SUSD4: variants seen among roughly 807,000 people sequenced by gnomAD.
SUSD4 encodes sushi domain-containing protein 4.
SUSD4 carries 41 observed loss-of-function variants against 50.5 expected under a neutral mutation model. The ratio of observed to expected loss-of-function variants is 0.81; its 90% CI spans 0.63 to 1.05. The LOEUF is 1.05. Among genes scored for constraint, SUSD4 ranks in the 50% least tolerant of loss-of-function variants. The pLI, the probability that SUSD4 is intolerant of heterozygous loss-of-function variation, is 0.00. For synonymous variants in SUSD4, 257 were observed against 257.3 expected, an observed-to-expected ratio of 1.00 and a Z score of 0.01; for missense variants, 580 against 634.7, an observed-to-expected ratio of 0.91 and a Z score of 0.93.
At chr1:223,233,815 A>T (rs1371419649) in intron 5 of SUSD4, among the ~76,000 whole-genome samples, 1 of 152,174 alleles carries the variant, frequency 6.6e-6, no homozygotes, top group Non-Finnish European at 1.5e-5. Flanking sequence ...ATGAACAAAG[A>T]TCCTTCTGCA....
At chr1:223,250,171 A>G (rs1661204964) in intron 5 of SUSD4, among the ~76,000 whole-genome samples, 2 of 152,198 alleles carry the variant, frequency 1.3e-5, no homozygotes, top group Admixed American at 1.3e-4. Context: ...TTTGGTTTCC[A>G]TCATCTGTCA....
At chr1:223,258,874 C>T (rs1661892086) in intron 5 of SUSD4, among the ~76,000 whole-genome samples, 1 of 152,144 alleles carries the variant, frequency 6.6e-6, no homozygotes, top group Non-Finnish European at 1.5e-5. Flanking sequence ...TCAGAGCCAA[C>T]CCCACACAGC....
Position 223,260,116 on chromosome 1 carries a change from T to C in SUSD4, c.724+4514A>G, listed in dbSNP as rs78103395. ...ATATCATCTCCTGAAACTGTCCTTC[T>C]ACCCTTTCTAAATGCAGAAGCCCCC... On this transcript the variant is annotated intron_variant, in intron 5 of 8. Coordinates refer to ENST00000366878, the MANE Select transcript of SUSD4 (RefSeq NM_017982.4). Among the ~76,000 whole-genome samples the C allele has an allele frequency of 2.2e-3, 341 of 152,326 alleles. 3 individuals are homozygous for C. The highest frequency in any genetic ancestry group is 7.8e-3 in the African/African-American group (325 of 41,580).
chr1:223,252,789 T>C (rs1383926258), intron 5 of SUSD4, among the ~76,000 whole-genome samples: 1 of 151,844 alleles, frequency 6.6e-6, no homozygotes, highest in Non-Finnish European at 1.5e-5. Flanking sequence ...TTCCTAGGAA[T>C]GGAGAAGACG....
rs956201787 is a variant in SUSD4, at chr1:223,305,180, C to T, written c.149-12529G>A. Among the ~76,000 whole-genome samples, 21 of 152,068 alleles carry T rather than the reference C, an allele frequency of 1.4e-4. No homozygotes were observed. The South Asian group carries it at 1.7e-3, about 12-fold the overall frequency. On this transcript the variant is annotated intron_variant, in intron 2 of 8. Transcript: ENST00000366878. The stretch of plus-strand genomic sequence containing the variant: ...AGGCTTGCAGGGGAAATCTAAGGGC[C>T]GGCAGCCTTTCATGCACAGACAGCT...
In SUSD4 at chr1:223,240,077, T is replaced by G. The variant is rs528734515; in HGVS notation, c.725-10689A>C. Among the ~76,000 whole-genome samples, 5 of 152,214 alleles carry G rather than the reference T, an allele frequency of 3.3e-5. No individual in the cohort carries two copies. The South Asian group carries it at 1.0e-3, about 32-fold the overall frequency. ...CAGAATTCTAGGTTGGTTGGGTTTTTTTCTCTCAACACTTTAAATGTTTCA... is the reference window on the plus strand; with the variant it reads ...CAGAATTCTAGGTTGGTTGGGTTTTGTTCTCTCAACACTTTAAATGTTTCA... On this transcript the variant is annotated intron_variant, in intron 5 of 8. Coordinates refer to ENST00000366878, the MANE Select transcript of SUSD4 (RefSeq NM_017982.4).
At chr1:223,250,563 T>G (rs2103040805) in intron 5 of SUSD4, among the ~76,000 whole-genome samples, 1 of 152,288 alleles carries the variant, frequency 6.6e-6, no homozygotes, top group African/African-American at 2.4e-5. Flanking sequence ...AGCTGCCATA[T>G]CTTACTGAGT....
At chr1:223,339,341 T>C (rs994833463) in intron 2 of SUSD4, among the ~76,000 whole-genome samples, 1 of 152,104 alleles carries the variant, frequency 6.6e-6, no homozygotes, top group Admixed American at 6.5e-5. Flanking sequence ...CTATTATCTC[T>C]AGGAGCTCAG....
At chr1:223,309,177 A>C (rs1247366625) in intron 2 of SUSD4, among the ~76,000 whole-genome samples, 1 of 152,214 alleles carries the variant, frequency 6.6e-6, no homozygotes, top group African/African-American at 2.4e-5. Flanking sequence ...CAGGGATTCA[A>C]AGTAAAATTA....
chr1:223,271,138 C>T (rs1006052272), intron 3 of SUSD4, among the ~76,000 whole-genome samples: 2 of 152,192 alleles, frequency 1.3e-5, no homozygotes, highest in East Asian at 3.8e-4. Flanking sequence ...GTAATTTACA[C>T]ATTGAAACAA....
chr1:223,290,592 A>C (rs1276836033), intron 3 of SUSD4, among the ~76,000 whole-genome samples: 2 of 152,218 alleles, frequency 1.3e-5, no homozygotes, highest in Admixed American at 6.5e-5. Context: ...CTAATAAAAA[A>C]GCTGACTTCC....
In SUSD4 at chr1:223,337,229, G is replaced by A. The variant is rs1667505660; in HGVS notation, c.148+26049C>T. On this transcript the variant is annotated intron_variant, in intron 2 of 8. Transcript: ENST00000366878. ...TAGTAGAATGCATGAAGAAATGAAT[G>A]CCACCTTGCAGAGCTCAAATGTCAG... Among the ~76,000 whole-genome samples, 7 of 152,162 alleles carry A rather than the reference G, an allele frequency of 4.6e-5. No individual in the cohort carries two copies. In the South Asian group the frequency reaches 1.4e-3, roughly 32 times the overall value.
At chr1:223,334,995 C>A (rs1197197559) in intron 2 of SUSD4, among the ~76,000 whole-genome samples, 2 of 152,152 alleles carry the variant, frequency 1.3e-5, no homozygotes, top group Admixed American at 1.3e-4. Flanking sequence ...TCCTGAGTTA[C>A]TTCACTTAGA....
intron 5 of SUSD4, among the ~76,000 whole-genome samples, chr1:223,259,947 T>C (rs1661983635): frequency 2.6e-5 from 4 of 152,132 alleles, no homozygotes; most frequent in Admixed American, 2.6e-4. Context: ...AGTCCTTCCC[T>C]AGGAGTGAGA....
chr1:223,256,953 C>A (rs1661736627), intron 5 of SUSD4, among the ~76,000 whole-genome samples: 1 of 152,208 alleles, frequency 6.6e-6, no homozygotes, highest in South Asian at 2.1e-4. Flanking sequence ...CATCTATAGG[C>A]TGGCGCCACA....
At chr1:223,315,915 C>T (rs74503064) in intron 2 of SUSD4, among the ~76,000 whole-genome samples, 1 of 152,254 alleles carries the variant, frequency 6.6e-6, no homozygotes, top group Non-Finnish European at 1.5e-5. Context: ...TAGACATATA[C>T]AGTCTGTCTT....
At chr1:223,348,159 A>G (rs1558272143) in intron 2 of SUSD4, among the ~76,000 whole-genome samples, 1 of 152,248 alleles carries the variant, frequency 6.6e-6, no homozygotes, top group Non-Finnish European at 1.5e-5. Context: ...GAACACTAGA[A>G]GCAGTAGCAT....
intron 2 of SUSD4, among the ~76,000 whole-genome samples, chr1:223,339,066 G>A (rs1289082647): frequency 6.6e-6 from 1 of 152,170 alleles, no homozygotes; most frequent in East Asian, 1.9e-4. Context: ...GACCAGCAAG[G>A]ACTGGTTAGA....
chr1:223,303,477 C>A (rs1665318423), intron 2 of SUSD4, among the ~76,000 whole-genome samples: 1 of 147,398 alleles, frequency 6.8e-6, no homozygotes. Context: ...TAGTTTTTGA[C>A]CTGCAAATTG....
Sources: gnomAD v4.1 joint callset for allele counts (sites outside exome capture counted in the v4.1 genomes callset) on GRCh38, gnomAD v4.1.1 for gene constraint, MANE v1.5 for transcripts, NCBI Gene and HGNC (gene_info 2026-07-23, HGNC 2026-07-21) for gene names.